Variants in CYP7B1 observed in about 807,000 individuals in gnomAD.
The protein encoded by CYP7B1 is cytochrome P450 family 7 subfamily B member 1, also known as cytochrome P450 7B1.
In CYP7B1, 29 loss-of-function variants were observed where a neutral mutation model predicts 42.7. The ratio of observed to expected loss-of-function variants is 0.68; its 90% CI spans 0.51 to 0.93. The LOEUF (loss-of-function observed/expected upper bound fraction) is 0.93, where lower values mean the gene tolerates loss of function less well. CYP7B1 is among the 40% of genes least tolerant of loss of function. The pLI, the probability that CYP7B1 is intolerant of heterozygous loss-of-function variation, is 0.00. For synonymous variants in CYP7B1, 235 were observed against 218.2 expected (o/e 1.08, Z -0.68); for missense variants, 655 against 600.5 (o/e 1.09, Z -0.95).
intron 1 of CYP7B1, among the ~76,000 whole-genome samples, chr8:64,764,229 G>GCGGGGGGCCCCCC: frequency 8.0e-6 from 1 of 125,234 alleles, no homozygotes; most frequent in South Asian, 2.8e-4. Context: ...CTTCCACGCT[G>GCGGGGGGCCCCCC]CCCCCCCCAC....
chr8:64,662,458 A>G (rs1247660820), intron 1 of CYP7B1, among the ~76,000 whole-genome samples: 1 of 152,184 alleles, frequency 6.6e-6, no homozygotes, highest in East Asian at 1.9e-4. Context: ...AGCATAAGGT[A>G]AGTTTTATTC....
At chr8:64,611,328 G>A in intron 4 of CYP7B1, among the ~76,000 whole-genome samples, 1 of 152,138 alleles carries the variant, frequency 6.6e-6, no homozygotes, top group East Asian at 1.9e-4. Flanking sequence ...CTGTGAAAGT[G>A]ACAAAATAAT....
chr8:64,653,945 A>G lies in CYP7B1; in HGVS notation c.123-29406T>C, dbSNP rs867837106. Among the ~76,000 whole-genome samples, 8 of 152,332 alleles carry G rather than the reference A, an allele frequency of 5.3e-5. No individual in the cohort carries two copies. The South Asian group carries it at 1.2e-3, about 24-fold the overall frequency. On this transcript the variant is annotated intron_variant, in intron 1 of 5. Transcript: ENST00000310193. ...TTTTGATAAAATTCAACACCCTTAT[A>G]TTAAAAGTAAACTAAATAAACTAAA...
chr8:64,700,923 TTTGTTGTTG>T (rs35437465), intron 1 of CYP7B1, among the ~76,000 whole-genome samples: 3 of 151,026 alleles, frequency 2.0e-5, no homozygotes, highest in African/African-American at 7.3e-5. Context: ...TTAGTCACTT[TTTGTTGTTG>T]TTGTTGTTGT....
intron 1 of CYP7B1, among the ~76,000 whole-genome samples, chr8:64,788,821 T>C (rs1005590813): frequency 1.3e-5 from 2 of 152,234 alleles, no homozygotes; most frequent in Non-Finnish European, 2.9e-5. Flanking sequence ...TAGCCTACTG[T>C]AGAATATACA....
At chr8:64,634,612 A>G (rs73237778) in intron 1 of CYP7B1, among the ~76,000 whole-genome samples, 13,268 of 151,906 alleles carry the variant, frequency 0.087, 875 homozygotes, top group African/African-American at 0.17. Context: ...AAGAAATGCT[A>G]TGTTGGTGTT....
chr8:64,600,761 G>C (rs1236151353), intron 5 of CYP7B1, among the ~76,000 whole-genome samples: 1 of 152,096 alleles, frequency 6.6e-6, no homozygotes, highest in Non-Finnish European at 1.5e-5. Context: ...CTACAAATCA[G>C]GGCTCAGAGC....
intron 1 of CYP7B1, among the ~76,000 whole-genome samples, chr8:64,759,188 A>G (rs1807851024): frequency 6.6e-6 from 1 of 152,214 alleles, no homozygotes; most frequent in African/African-American, 2.4e-5. Context: ...TGTATTCTTA[A>G]ATGTGGCAAA....
At chr8:64,782,196 C>T (rs777056823) in intron 1 of CYP7B1, among the ~76,000 whole-genome samples, 10 of 150,698 alleles carry the variant, frequency 6.6e-5, no homozygotes, top group Non-Finnish European at 1.0e-4. Flanking sequence ...GAGCTGCAGA[C>T]GACTTCACAT....
chr8:64,792,948 C>T (rs187333084), intron 1 of CYP7B1, among the ~76,000 whole-genome samples: 75 of 152,026 alleles, frequency 4.9e-4, no homozygotes, highest in African/African-American at 1.7e-3. Flanking sequence ...AGTTAAGGAT[C>T]GTGACAAGAG....
chr8:64,600,389 G>T lies in CYP7B1; in HGVS notation c.1234-3460C>A, dbSNP rs542896749. On this transcript the variant is annotated intron_variant, in intron 5 of 5. Transcript: ENST00000310193. ...GTTACAAGGCATAAAACATGGTCTT[G>T]CTGAAGTAGGTGACACACAATAGGA... is the stretch of plus-strand genomic sequence containing the variant. 2.0e-5 allele frequency among the ~76,000 whole-genome samples: 3 copies of T among 152,326 alleles called. No individual in the cohort carries two copies. In the South Asian group the frequency reaches 6.2e-4, roughly 32 times the overall value.
chr8:64,614,913 A>T lies in CYP7B1; in HGVS notation c.1057+113T>A, dbSNP rs1008036082. On this transcript the variant is annotated intron_variant, in intron 4 of 5. Coordinates refer to ENST00000310193, the MANE Select transcript of CYP7B1 (RefSeq NM_004820.5). ...TTTATAATTGATGTAAATGGGTGTTATTATGTCAATTAGGCAGCTGTGTCC... is the reference window on the plus strand; with the variant it reads ...TTTATAATTGATGTAAATGGGTGTTTTTATGTCAATTAGGCAGCTGTGTCC... The T allele has an allele frequency of 7.4e-6, 7 of 944,428 alleles. No homozygotes were observed. The Admixed American group carries it at 1.1e-4, about 15-fold the overall frequency. 58.5% of individuals were successfully genotyped at this position (944,428 alleles called of 1,614,324 possible).
intron 1 of CYP7B1, among the ~76,000 whole-genome samples, chr8:64,753,918 C>T (rs868206213): frequency 1.3e-5 from 2 of 152,176 alleles, no homozygotes; most frequent in Non-Finnish European, 2.9e-5. Context: ...AACAAAGAGG[C>T]CAGTGTGGTT....
At chr8:64,690,079 T>G (rs1380230768) in intron 1 of CYP7B1, among the ~76,000 whole-genome samples, 1 of 152,170 alleles carries the variant, frequency 6.6e-6, no homozygotes, top group Admixed American at 6.6e-5. Flanking sequence ...TCCCCATGTT[T>G]ATGATCAAAC....
chr8:64,676,946 C>G (rs1170406632), intron 1 of CYP7B1, among the ~76,000 whole-genome samples: 6 of 151,990 alleles, frequency 3.9e-5, no homozygotes, highest in African/African-American at 1.4e-4. Context: ...GCTTTATTCT[C>G]TTTTCTAATT....
chr8:64,662,857 T>C (rs1211397055), intron 1 of CYP7B1, among the ~76,000 whole-genome samples: 1 of 152,020 alleles, frequency 6.6e-6, no homozygotes, highest in Non-Finnish European at 1.5e-5. Flanking sequence ...TCCAACCGAG[T>C]ATGTTTGACC....
At chr8:64,789,013 T>C (rs1370891009) in intron 1 of CYP7B1, among the ~76,000 whole-genome samples, 3 of 151,492 alleles carry the variant, frequency 2.0e-5, no homozygotes, top group South Asian at 2.1e-4. Flanking sequence ...CTCTGCCTCC[T>C]GGGTTCAAAT....
At chr8:64,782,119 T>G (rs1804435273) in intron 1 of CYP7B1, among the ~76,000 whole-genome samples, 1 of 152,158 alleles carries the variant, frequency 6.6e-6, no homozygotes. Context: ...ATTTTAGCTT[T>G]ATAGCCATGC....
intron 1 of CYP7B1, among the ~76,000 whole-genome samples, chr8:64,790,951 T>C (rs1006390821): frequency 2.0e-5 from 3 of 152,104 alleles, no homozygotes; most frequent in East Asian, 1.9e-4. Context: ...AGGGGAAATG[T>C]AGACACAGAC....
Sources: allele counts gnomAD v4.1 joint callset (sites outside exome capture counted in the v4.1 genomes callset), GRCh38; gene constraint gnomAD v4.1.1; transcripts MANE v1.5; gene names NCBI Gene and HGNC (gene_info 2026-07-23, HGNC 2026-07-21).